PKNOX2: variants seen among roughly 807,000 people sequenced by gnomAD.
PKNOX2 encodes the protein homeobox protein PKNOX2.
Under a neutral mutation model 53.1 loss-of-function variants are expected in PKNOX2, and 14 were observed. The ratio of observed to expected loss-of-function variants is 0.26; its 90% CI spans 0.17 to 0.41. The LOEUF is 0.41. Among genes scored for constraint, PKNOX2 ranks in the 10% least tolerant of loss-of-function variants. The probability of loss-of-function intolerance (pLI) is 1.00; values close to 1 mark genes in which losing one functional copy is unlikely to be tolerated. For synonymous variants in PKNOX2, 257 were observed against 242.8 expected (o/e 1.06, Z -0.54); for missense variants, 496 against 602.8 (o/e 0.82, Z 1.85).
At chr11:125,368,654 A>G (rs1411819341) in intron 5 of PKNOX2, among the ~76,000 whole-genome samples, 1 of 152,220 alleles carries the variant, frequency 6.6e-6, no homozygotes, top group African/African-American at 2.4e-5. Flanking sequence ...GAGGGCAGGC[A>G]GCTTGTTTCT....
At chr11:125,397,557 G>A (rs75438948) in intron 6 of PKNOX2, among the ~76,000 whole-genome samples, 1 of 152,274 alleles carries the variant, frequency 6.6e-6, no homozygotes, top group East Asian at 1.9e-4. Flanking sequence ...ATGACAGGCC[G>A]GGGGCTTGGA....
At chr11:125,168,987 G>A (rs1364283680) in intron 1 of PKNOX2, among the ~76,000 whole-genome samples, 1 of 152,246 alleles carries the variant, frequency 6.6e-6, no homozygotes, top group East Asian at 1.9e-4. Flanking sequence ...TATTTAATCT[G>A]GAGCACATTT....
At chr11:125,316,401 C>T (rs1387262074) in intron 2 of PKNOX2, among the ~76,000 whole-genome samples, 7 of 152,202 alleles carry the variant, frequency 4.6e-5, no homozygotes. Context: ...TAATCCCTAG[C>T]TTCATCTTGA....
rs552129400 is a variant in PKNOX2, at chr11:125,246,824, A to G, written c.-130+11709A>G. 7.9e-5 allele frequency among the ~76,000 whole-genome samples: 12 copies of G among 152,214 alleles called. No individual in the cohort carries two copies. The South Asian group carries it at 2.5e-3, about 32-fold the overall frequency. On this transcript the variant is annotated intron_variant, in intron 2 of 12. Transcript: ENST00000298282. ...TAGGCCCTGTGCTTTGATCCTGGGCATTAGGGAGGCTGTGGAGATGAGGAT... is the reference window on the plus strand; with the variant it reads ...TAGGCCCTGTGCTTTGATCCTGGGCGTTAGGGAGGCTGTGGAGATGAGGAT...
At chr11:125,283,149 C>T (rs1946677044) in intron 2 of PKNOX2, among the ~76,000 whole-genome samples, 1 of 151,196 alleles carries the variant, frequency 6.6e-6, no homozygotes, top group Non-Finnish European at 1.5e-5. Flanking sequence ...GAGACTCCAT[C>T]TCAAAAAATA....
At chr11:125,360,555 A>G (rs534663790) in intron 4 of PKNOX2, among the ~76,000 whole-genome samples, 1 of 152,302 alleles carries the variant, frequency 6.6e-6, no homozygotes, top group South Asian at 2.1e-4. Flanking sequence ...CTGGTAACGC[A>G]TAATGTAACC....
chr11:125,300,485 A>G (rs1452679444), intron 2 of PKNOX2, among the ~76,000 whole-genome samples: 1 of 152,214 alleles, frequency 6.6e-6, no homozygotes, highest in South Asian at 2.1e-4. Context: ...CCAAGATTTA[A>G]GCCCTGGCAT....
At chr11:125,351,548 C>G (rs554542642) in intron 4 of PKNOX2, among the ~76,000 whole-genome samples, 156 bp downstream of exon 4, 1 of 152,192 alleles carries the variant, frequency 6.6e-6, no homozygotes, top group East Asian at 1.9e-4. Context: ...TCCCGTCAGC[C>G]TGGGGAGCGA....
chr11:125,386,713 AACACACACAC>A lies in PKNOX2; in HGVS notation c.399+1022_399+1031del, dbSNP rs3138544. Among the ~76,000 whole-genome samples, 1,123 of 141,136 alleles carry A rather than the reference AACACACACAC, an allele frequency of 8.0e-3. 16 individuals carry two copies. The highest frequency in any genetic ancestry group is 0.028 in the African/African-American group (1,057 of 37,306). The allele number at this position is 141,136 out of a possible 152,430, so 92.6% of individuals were successfully genotyped here. A position where few individuals can be genotyped will look rare whatever the true frequency, so the allele number is the denominator to read the frequency against. On this transcript the variant is annotated intron_variant, in intron 6 of 12. Transcript: ENST00000298282. ...TGTGGTTCCAGAAAGGAAGAAAAAGAACACACACACACACACACACACACACACACACACA... is the reference window on the plus strand; with the variant it reads ...TGTGGTTCCAGAAAGGAAGAAAAAGAACACACACACACACACACACACACA...
rs1415771108 is a variant in PKNOX2 at position 125,408,106 on chromosome 11, C to T, written c.589-2090C>T. On this transcript the variant is annotated intron_variant, in intron 7 of 12. Transcript: ENST00000298282. Reference sequence around the variant, plus strand: ...TGCAGCCCAGAACCGGTGTAGGGGGCATTTGTGGGTGAAGGAGATCTGTGT... The same window carrying T: ...TGCAGCCCAGAACCGGTGTAGGGGGTATTTGTGGGTGAAGGAGATCTGTGT... Among the ~76,000 whole-genome samples, 3 of 152,168 alleles carry T rather than the reference C, an allele frequency of 2.0e-5. No individual in the cohort carries two copies. In the East Asian group the frequency reaches 5.8e-4, roughly 29 times the overall value.
chr11:125,427,627 T>C (rs1033778563), intron 10 of PKNOX2, among the ~76,000 whole-genome samples: 10 of 152,140 alleles, frequency 6.6e-5, no homozygotes, highest in Non-Finnish European at 1.2e-4. Flanking sequence ...GCCTGAGATT[T>C]CATAGCTAGT....
intron 1 of PKNOX2, among the ~76,000 whole-genome samples, chr11:125,168,385 C>G (rs1216211911): frequency 6.6e-6 from 1 of 152,212 alleles, no homozygotes; most frequent in African/African-American, 2.4e-5. Context: ...CTTCTCCAAG[C>G]TGGGTTTCAT....
At chr11:125,388,908 G>C (rs570569196) in intron 6 of PKNOX2, among the ~76,000 whole-genome samples, 1 of 152,308 alleles carries the variant, frequency 6.6e-6, no homozygotes, top group South Asian at 2.1e-4. Context: ...AAAAGCCCTA[G>C]GGAGGGCCGG....
intron 2 of PKNOX2, among the ~76,000 whole-genome samples, chr11:125,321,709 C>G (rs1046687792): frequency 2.0e-5 from 3 of 152,180 alleles, no homozygotes; most frequent in Non-Finnish European, 4.4e-5. Context: ...ATTACAAAAA[C>G]AGGCAGCCTC....
chr11:125,383,095 C>T (rs1953364705), intron 5 of PKNOX2, among the ~76,000 whole-genome samples: 1 of 152,174 alleles, frequency 6.6e-6, no homozygotes, highest in Non-Finnish European at 1.5e-5. Context: ...TCCCCCACCA[C>T]CCCTGAGTCT....
intron 2 of PKNOX2, chr11:125,239,681 C>G (rs1052033840): frequency 6.6e-6 from 1 of 152,214 alleles, no homozygotes; most frequent in African/African-American, 2.4e-5. Context: ...ACAACAGACT[C>G]GATCCACCCC....
rs1951299488 is a variant in PKNOX2, at chr11:125,351,321, T to C, written c.16T>C (p.Ser6Pro). 1 of 1,603,808 alleles carries C rather than the reference T, an allele frequency of 6.2e-7. No individual in the cohort carries two copies. The highest frequency in any genetic ancestry group is 8.5e-7 in the Non-Finnish European group (1 of 1,172,708). The change falls in exon 4 of 13, where the codon TCC (serine) becomes CCC (proline). Residue 6 changes from serine (S) to proline (P), a missense_variant. Ser to Pro is a moderately conservative substitution (Grantham distance 74, BLOSUM62 -1). Around this residue, in one of 5 missense-constraint regions of PKNOX2, gnomAD observed 168 missense variants for 178.4 expected, o/e 0.94. Transcript: ENST00000298282. ...AATCAATCCCATGATGCAACATGCC[T>C]CCCCAGCCCCCGCTCTGACGATGAT... MMQHA[S>P]PAPALTMMAT...
At chr11:125,356,036 C>CA (rs1361032213) in intron 4 of PKNOX2, among the ~76,000 whole-genome samples, 1 of 148,402 alleles carries the variant, frequency 6.7e-6, no homozygotes, top group African/African-American at 2.5e-5. Context: ...AGCACCCCCC[C>CA]CCCCACAACT....
At chr11:125,313,656 C>T (rs1423227103) in intron 2 of PKNOX2, among the ~76,000 whole-genome samples, 1 of 152,214 alleles carries the variant, frequency 6.6e-6, no homozygotes, top group African/African-American at 2.4e-5. Context: ...CCTTTCCTAG[C>T]TGTGATATTC....
Sources: gnomAD v4.1 joint callset for allele counts (sites outside exome capture counted in the v4.1 genomes callset) on GRCh38, gnomAD v4.1.1 for gene constraint, gnomAD v4.1.1 regional missense constraint, MANE v1.5 for transcripts, NCBI Gene and HGNC (gene_info 2026-07-23, HGNC 2026-07-21) for gene names.